The following KMT2E variants were observed in gnomAD, a reference collection of about 807,000 sequenced individuals.
KMT2E encodes lysine methyltransferase 2E (inactive).
Under a neutral mutation model 184.6 loss-of-function variants are expected in KMT2E, and 30 were observed. The ratio of observed to expected loss-of-function variants is 0.16; its 90% CI spans 0.12 to 0.22. The LOEUF (loss-of-function observed/expected upper bound fraction) is 0.22, where lower values mean the gene tolerates loss of function less well. Among genes scored for constraint, KMT2E ranks in the 10% least tolerant of loss-of-function variants. The pLI, the probability that KMT2E is intolerant of heterozygous loss-of-function variation, is 1.00. For missense variants in KMT2E, 2,023 were observed against 2,237.4 expected (o/e 0.90, Z 1.93); for synonymous variants, 815 against 776.5 (o/e 1.05, Z -0.82).
At chr7:105,045,751 A>G (rs1474894546) in intron 3 of KMT2E, among the ~76,000 whole-genome samples, 1 of 152,200 alleles carries the variant, frequency 6.6e-6, no homozygotes. Flanking sequence ...ACTGCTATGA[A>G]CATTGGTATA....
Position 105,113,407 on chromosome 7 carries a change from CT to C in KMT2E, c.*79del. The C allele has an allele frequency of 7.0e-7, 1 of 1,424,878 alleles. No individual in the cohort carries two copies. 88.3% of individuals were successfully genotyped at this position (1,424,878 alleles called of 1,614,324 possible). On this transcript the variant is annotated 3_prime_UTR_variant, in exon 27 of 27. Transcript: ENST00000311117. Reference sequence around the variant, plus strand: ...TATTTCATATGTACCTGTTAAGGTACTTTTTAAAGCTTGTACATGAACCTTT... The same window carrying C: ...TATTTCATATGTACCTGTTAAGGTACTTTTAAAGCTTGTACATGAACCTTT...
intron 22 of KMT2E, 91 bp downstream of exon 22, chr7:105,108,016 G>T: frequency 1.3e-6 from 1 of 795,066 alleles, no homozygotes; most frequent in Non-Finnish European, 1.8e-6. Flanking sequence ...TATTATGTAA[G>T]GCATTCTTAA....
chr7:105,020,101 C>T (rs1329955059), intron 1 of KMT2E, among the ~76,000 whole-genome samples: 3 of 140,802 alleles, frequency 2.1e-5, no homozygotes, highest in Admixed American at 7.4e-5. Flanking sequence ...GAGTGAGACT[C>T]TGTCTCAAAA....
chr7:105,097,316 C>G (rs1432914834), intron 15 of KMT2E, among the ~76,000 whole-genome samples: 1 of 152,106 alleles, frequency 6.6e-6, no homozygotes, highest in Non-Finnish European at 1.5e-5. Context: ...ATTGTAGAGA[C>G]TGGGAATTTT....
chr7:105,056,994 A>C, intron 3 of KMT2E, among the ~76,000 whole-genome samples: 1 of 152,234 alleles, frequency 6.6e-6, no homozygotes, highest in East Asian at 1.9e-4. Flanking sequence ...TGCATGACAG[A>C]AGATTGTTAG....
intron 3 of KMT2E, among the ~76,000 whole-genome samples, chr7:105,046,838 T>C (rs780223386): frequency 1.3e-5 from 2 of 152,202 alleles, no homozygotes; most frequent in Non-Finnish European, 2.9e-5. Flanking sequence ...CAATACAGTT[T>C]AACAAAATTG....
chr7:105,027,959 G>C (rs998623218), intron 1 of KMT2E, among the ~76,000 whole-genome samples: 1 of 152,018 alleles, frequency 6.6e-6, no homozygotes, highest in Non-Finnish European at 1.5e-5. Flanking sequence ...TACTAATAGA[G>C]TTGCTGTTCT....
chr7:105,021,559 A>C (rs1405215539), intron 1 of KMT2E, among the ~76,000 whole-genome samples: 1 of 152,226 alleles, frequency 6.6e-6, no homozygotes, highest in Non-Finnish European at 1.5e-5. Flanking sequence ...ATTTGAAGAA[A>C]GTACAGATGG....
At position 105,113,557 on chromosome 7, in the gene KMT2E, G is replaced by A. The variant is rs921009003; in HGVS notation, c.*224G>A. ...TATTTTGTAAGTGAACATTCCAGCTGTTTTTTTCTGGCAGATCTGATGCTG... is the reference window on the plus strand; with the variant it reads ...TATTTTGTAAGTGAACATTCCAGCTATTTTTTTCTGGCAGATCTGATGCTG... On this transcript the variant is annotated 3_prime_UTR_variant, in exon 27 of 27. Coordinates refer to ENST00000311117, the MANE Select transcript of KMT2E (RefSeq NM_182931.3). 1 of 377,846 alleles carries A rather than the reference G, an allele frequency of 2.6e-6. No individual in the cohort carries two copies. Among genetic ancestry groups the A allele is most frequent in the Non-Finnish European group, 4.7e-6 (1 of 214,026 alleles). 23.4% of individuals were successfully genotyped at this position (377,846 alleles called of 1,614,324 possible). A position where few individuals can be genotyped will look rare whatever the true frequency, so the allele number is the denominator to read the frequency against.
At chr7:105,054,105 G>A (rs1326017423) in intron 3 of KMT2E, among the ~76,000 whole-genome samples, 4 of 151,550 alleles carry the variant, frequency 2.6e-5, no homozygotes, top group African/African-American at 9.7e-5. Flanking sequence ...CCGGGAGGTG[G>A]AGCTTGTAGT....
chr7:105,085,319 C>T (rs1797921267), intron 13 of KMT2E, among the ~76,000 whole-genome samples: 1 of 152,148 alleles, frequency 6.6e-6, no homozygotes, highest in Non-Finnish European at 1.5e-5. Flanking sequence ...GAGGCTGAGG[C>T]GGGTGGATCA....
At chr7:105,101,678 TAATGTC>T (rs1169630988) in intron 16 of KMT2E, 89 bp downstream of exon 16, 2 of 1,143,768 alleles carry the variant, frequency 1.7e-6, no homozygotes, top group African/African-American at 3.3e-5. Context: ...GAATTTAAAA[TAATGTC>T]TATTAGCTTT....
chr7:105,015,643 C>A (rs1480276970), intron 1 of KMT2E, among the ~76,000 whole-genome samples: 5 of 152,004 alleles, frequency 3.3e-5, no homozygotes, highest in Non-Finnish European at 5.9e-5. Context: ...ACTGAAATTT[C>A]CCTCTTTTGT....
Position 105,113,350 on chromosome 7 carries a change from A to T in KMT2E, c.*17A>T, listed in dbSNP as rs574237596. 99 of 1,590,004 alleles carry T rather than the reference A, an allele frequency of 6.2e-5. No individual in the cohort carries two copies. In the African/African-American group the frequency reaches 1.2e-3, roughly 19 times the overall value. ...TGGCATTAAAATGGACTCCAAAAACATTTTTTTAAATGTTCTGTAAGATAA... is the reference window on the plus strand; with the variant it reads ...TGGCATTAAAATGGACTCCAAAAACTTTTTTTTAAATGTTCTGTAAGATAA... On this transcript the variant is annotated 3_prime_UTR_variant, in exon 27 of 27. Transcript: ENST00000311117.
chr7:105,085,921 C>T (rs944260569), intron 13 of KMT2E, among the ~76,000 whole-genome samples: 1 of 152,206 alleles, frequency 6.6e-6, no homozygotes, highest in Admixed American at 6.5e-5. Flanking sequence ...GTCCGCCCGC[C>T]TCGGCCTCCC....
chr7:105,074,683 T>A lies in KMT2E; in HGVS notation c.597T>A (p.Pro199=). The part of the protein sequence containing the change: ...TSATESGDEV[P]VELYTAFQHT... The stretch of plus-strand genomic sequence containing the variant: ...CAACTGAGAGTGGTGATGAGGTTCC[T>A]GTGGAATTATATACTGCATTTCAGC... Residue 199 remains proline (P), a synonymous_variant, in exon 8 of 27, where the codon CCT becomes CCA. Coordinates refer to ENST00000311117, the MANE Select transcript of KMT2E (RefSeq NM_182931.3). 1 of 1,585,848 alleles carries A rather than the reference T, an allele frequency of 6.3e-7. No individual in the cohort carries two copies. The highest frequency in any genetic ancestry group is 8.6e-7 in the Non-Finnish European group (1 of 1,166,514).
At chr7:105,096,540 A>C (rs1274369092) in intron 15 of KMT2E, among the ~76,000 whole-genome samples, 1 of 151,950 alleles carries the variant, frequency 6.6e-6, no homozygotes, top group Admixed American at 6.6e-5. Flanking sequence ...GGACTTGTCA[A>C]GCAGGTATTA....
intron 3 of KMT2E, among the ~76,000 whole-genome samples, chr7:105,047,978 A>T (rs1428754973): frequency 6.6e-6 from 1 of 152,204 alleles, no homozygotes; most frequent in African/African-American, 2.4e-5. Flanking sequence ...AGGAAAAAGA[A>T]ATGGAAATAC....
chr7:105,060,312 A>G (rs186065606), intron 3 of KMT2E, among the ~76,000 whole-genome samples: 1 of 152,186 alleles, frequency 6.6e-6, no homozygotes, highest in East Asian at 1.9e-4. Context: ...ACACATAACA[A>G]CGTTTCAGTC....
Sources: gnomAD v4.1 joint callset for allele counts (sites outside exome capture counted in the v4.1 genomes callset) on GRCh38, gnomAD v4.1.1 for gene constraint, MANE v1.5 for transcripts, NCBI Gene and HGNC (gene_info 2026-07-23, HGNC 2026-07-21) for gene names.